TMEM245: variants seen among roughly 807,000 people sequenced by gnomAD.
TMEM245 encodes the protein protein CG-2.
Under a neutral mutation model 101.2 loss-of-function variants are expected in TMEM245, and 69 were observed. The ratio of observed to expected loss-of-function variants is 0.68; its 90% CI spans 0.56 to 0.83. The LOEUF (loss-of-function observed/expected upper bound fraction) is 0.83, where lower values mean the gene tolerates loss of function less well. TMEM245 is among the 40% of genes least tolerant of loss of function. The probability of loss-of-function intolerance (pLI) is 0.00; values close to 1 mark genes in which losing one functional copy is unlikely to be tolerated. For missense variants in TMEM245, 1,075 were observed against 1,092.8 expected (o/e 0.98, Z 0.23); for synonymous variants, 537 against 449.8 (o/e 1.19, Z -2.45).
chr9:109,114,728 GCCC>G (rs913315979), intron 1 of TMEM245, among the ~76,000 whole-genome samples: 4 of 152,304 alleles, frequency 2.6e-5, no homozygotes, highest in South Asian at 2.1e-4. Flanking sequence ...AGATCAGAAT[GCCC>G]CCCAACAGAG....
At position 109,066,391 on chromosome 9, in the gene TMEM245, G is replaced by A. The variant is rs376907381; in HGVS notation, c.1533-1824C>T. On this transcript the variant is annotated intron_variant, in intron 9 of 17. Coordinates refer to ENST00000374586, the MANE Select transcript of TMEM245 (RefSeq NM_032012.4). ...AATCACTTGAGCCCAGGAGGCAGAC[G>A]TTGCAATGAGCCAAGATCATACCAC... Among the ~76,000 whole-genome samples the A allele has an allele frequency of 1.0e-3, 136 of 133,400 alleles. 3 individuals are homozygous for A. In the South Asian group the frequency reaches 0.03, roughly 29 times the overall value. The allele number at this position is 133,400 out of a possible 152,430, so 87.5% of individuals were successfully genotyped here. A position where few individuals can be genotyped will look rare whatever the true frequency, so the allele number is the denominator to read the frequency against.
chr9:109,081,333 A>G (rs1034152545), intron 7 of TMEM245, among the ~76,000 whole-genome samples: 2 of 152,200 alleles, frequency 1.3e-5, no homozygotes, highest in African/African-American at 4.8e-5. Flanking sequence ...AATACACACG[A>G]CTTTAGCAAA....
chr9:109,095,074 C>T lies in TMEM245; in HGVS notation c.800-1483G>A, dbSNP rs942693867. The stretch of plus-strand genomic sequence containing the variant: ...TCTGTCCCTCCTCTAATAAATGCCC[C>T]TGTGACCTGAAAGAGTTCATTTTTA... On this transcript the variant is annotated intron_variant, in intron 3 of 17. Coordinates refer to ENST00000374586, the MANE Select transcript of TMEM245 (RefSeq NM_032012.4). Among the ~76,000 whole-genome samples, 24 of 152,206 alleles carry T rather than the reference C, an allele frequency of 1.6e-4. 1 individual carries two copies. Among genetic ancestry groups the T allele is most frequent in the Non-Finnish European group, 7.3e-5 (5 of 68,040 alleles).
At chr9:109,085,044 T>C (rs1483016106) in intron 7 of TMEM245, among the ~76,000 whole-genome samples, 1 of 152,260 alleles carries the variant, frequency 6.6e-6, no homozygotes, top group East Asian at 1.9e-4. Flanking sequence ...TATAGTTTTA[T>C]TATGTTTAAA....
At chr9:109,028,257 C>T (rs982816031) in intron 17 of TMEM245, among the ~76,000 whole-genome samples, 3 of 151,770 alleles carry the variant, frequency 2.0e-5, no homozygotes, top group Non-Finnish European at 4.4e-5. Flanking sequence ...CGAGACCAGC[C>T]TGGCCAACAT....
At chr9:109,061,265 G>C (rs632162) in intron 10 of TMEM245, among the ~76,000 whole-genome samples, 1 of 152,016 alleles carries the variant, frequency 6.6e-6, no homozygotes, top group Non-Finnish European at 1.5e-5. Flanking sequence ...GCAGTGAGCC[G>C]TGATCACGCC....
Position 109,091,116 on chromosome 9 carries a change from G to T in TMEM245, c.956C>A (p.Thr319Asn), listed in dbSNP as rs1447651794. The change falls in exon 5 of 18, where the codon ACC becomes AAC. Residue 319 changes from threonine (T) to asparagine (N), a missense_variant. Coordinates refer to ENST00000374586, the MANE Select transcript of TMEM245 (RefSeq NM_032012.4). ...TGAAGGGGAGGAGGGTGAAGGGGAG[G>T]TGGACAACGTTGGAGCGGATTCTCC... is the stretch of plus-strand genomic sequence containing the variant. ...DRGESAPTLS[T>N]SPSPSSPSPT... 6.2e-7 allele frequency: 1 copy of T among 1,614,142 alleles called. No individual in the cohort carries two copies. The highest frequency in any genetic ancestry group is 1.1e-5 in the South Asian group (1 of 91,074).
chr9:109,107,146 G>T (rs898507368), intron 2 of TMEM245, among the ~76,000 whole-genome samples: 5 of 151,998 alleles, frequency 3.3e-5, no homozygotes. Context: ...CCAGCACTTT[G>T]GGGGGCTGAG....
chr9:109,034,666 G>C (rs894765226), intron 16 of TMEM245, among the ~76,000 whole-genome samples: 1 of 151,956 alleles, frequency 6.6e-6, no homozygotes, highest in Admixed American at 6.5e-5. Flanking sequence ...GGCTGGTCTT[G>C]AGCTCCTGGG....
intron 9 of TMEM245, among the ~76,000 whole-genome samples, chr9:109,070,408 T>C (rs1829297373): frequency 6.6e-6 from 1 of 152,208 alleles, no homozygotes; most frequent in South Asian, 2.1e-4. Context: ...TTTCCAAAGC[T>C]AGAAACATAA....
intron 3 of TMEM245, among the ~76,000 whole-genome samples, chr9:109,099,016 C>G (rs531505051): frequency 2.0e-5 from 3 of 152,222 alleles, no homozygotes; most frequent in Non-Finnish European, 1.5e-5. Flanking sequence ...GGAGATACTT[C>G]TTGATCCACT....
At chr9:109,063,650 A>T (rs1386054147) in intron 10 of TMEM245, among the ~76,000 whole-genome samples, 1 of 152,130 alleles carries the variant, frequency 6.6e-6, no homozygotes, top group Non-Finnish European at 1.5e-5. Context: ...TCCCAAATCC[A>T]TATGGTGGAA....
chr9:109,057,122 G>A lies in TMEM245; in HGVS notation c.1854+69C>T, dbSNP rs1026138718. The A allele has an allele frequency of 1.9e-6, 3 of 1,545,464 alleles. No homozygotes were observed. In the Admixed American group the frequency reaches 5.4e-5, roughly 28 times the overall value. On this transcript the variant is annotated intron_variant, in intron 12 of 17. Coordinates refer to ENST00000374586, the MANE Select transcript of TMEM245 (RefSeq NM_032012.4). ...GGATAGATGAGGCCTCAAAGTGTAT[G>A]AAGAAAACTTGGAATTACAGTTTGT...
rs563306493 is a variant in TMEM245, at chr9:109,118,373, G to T, written c.579+962C>A. Reference sequence around the variant, plus strand: ...ACTGAACTTTATTTCACTGACAAAAGAAGTGAATCAATTTGTAAATGGTAC... The same window carrying T: ...ACTGAACTTTATTTCACTGACAAAATAAGTGAATCAATTTGTAAATGGTAC... On this transcript the variant is annotated intron_variant, in intron 1 of 17. Coordinates refer to ENST00000374586, the MANE Select transcript of TMEM245 (RefSeq NM_032012.4). 2.0e-5 allele frequency among the ~76,000 whole-genome samples: 3 copies of T among 152,304 alleles called. No homozygotes were observed. The South Asian group carries it at 6.2e-4, about 32-fold the overall frequency.
chr9:109,029,991 A>G (rs1827900403), intron 17 of TMEM245, among the ~76,000 whole-genome samples: 1 of 152,246 alleles, frequency 6.6e-6, no homozygotes, highest in African/African-American at 2.4e-5. Flanking sequence ...GACAAGGCTC[A>G]AATATGAATA....
intron 3 of TMEM245, among the ~76,000 whole-genome samples, chr9:109,095,307 G>A (rs1026254569): frequency 6.6e-5 from 10 of 152,180 alleles, no homozygotes; most frequent in Non-Finnish European, 1.5e-4. Flanking sequence ...TAAAGACACA[G>A]ACCCTGCCCC....
intron 9 of TMEM245, among the ~76,000 whole-genome samples, chr9:109,071,390 C>G (rs1159195450): frequency 2.6e-5 from 4 of 151,842 alleles, no homozygotes; most frequent in Admixed American, 2.6e-4. Context: ...GGGAAGATCA[C>G]TTGAGCCCAG....
intron 9 of TMEM245, among the ~76,000 whole-genome samples, chr9:109,068,263 G>C (rs1000736737): frequency 2.0e-5 from 3 of 151,812 alleles, no homozygotes; most frequent in Non-Finnish European, 2.9e-5. Flanking sequence ...CCAGCTACTC[G>C]GGAGGCTGAG....
rs373623989 is a variant in TMEM245 at position 109,060,335 on chromosome 9, T to A, written c.1722+19A>T. ...ACTTTATTAGTTTACAACAGGAAAC[T>A]TTAGCTAAAATAACTTACCTTTACA... On this transcript the variant is annotated intron_variant, in intron 11 of 17. Coordinates refer to ENST00000374586, the MANE Select transcript of TMEM245 (RefSeq NM_032012.4). The A allele has an allele frequency of 3.7e-4, 580 of 1,577,866 alleles. 1 individual carries two copies. Among genetic ancestry groups the A allele is most frequent in the Admixed American group, 8.9e-4 (51 of 57,336 alleles).
Sources: gnomAD v4.1 joint callset for allele counts (sites outside exome capture counted in the v4.1 genomes callset) on GRCh38, gnomAD v4.1.1 for gene constraint, MANE v1.5 for transcripts, NCBI Gene and HGNC (gene_info 2026-07-23, HGNC 2026-07-21) for gene names.